CAPN15: variants seen among roughly 807,000 people sequenced by gnomAD.
The protein encoded by CAPN15 is calpain-15.
Under a neutral mutation model 97.9 loss-of-function variants are expected in CAPN15, and 53 were observed. The observed-to-expected ratio is 0.54, with a 90% CI of 0.43 to 0.68. The LOEUF (loss-of-function observed/expected upper bound fraction) is 0.68. CAPN15 is among the 30% of genes least tolerant of loss of function. CAPN15 has a pLI of 0.00. For synonymous variants in CAPN15, 922 were observed against 722.5 expected (o/e 1.28, Z -4.43); for missense variants, 1,592 against 1,589.8 (o/e 1.00, Z -0.02).
intron 6 of CAPN15, 60 bp from the exon 7 acceptor site, chr16:549,555 C>A: frequency 6.7e-7 from 1 of 1,497,646 alleles, no homozygotes; most frequent in Non-Finnish European, 8.9e-7. Context: ...GCTTCCTCTT[C>A]TCCCAGGGCG....
chr16:536,688 T>C (rs2141976826), intron 3 of CAPN15, among the ~76,000 whole-genome samples: 1 of 152,286 alleles, frequency 6.6e-6, no homozygotes, highest in South Asian at 2.1e-4. Context: ...CCTCCCACAG[T>C]GCTGGGATTA....
At chr16:530,817 T>C (rs953446641) in intron 1 of CAPN15, among the ~76,000 whole-genome samples, 7 of 152,166 alleles carry the variant, frequency 4.6e-5, no homozygotes, top group Non-Finnish European at 7.4e-5. Flanking sequence ...GGCTGTTGCT[T>C]TGCACACTCT....
In CAPN15 at chr16:535,021, T is replaced by C. The variant is rs61512373; in HGVS notation, c.-136-1008T>C. Among the ~76,000 whole-genome samples, 12,908 of 152,054 alleles carry C rather than the reference T, an allele frequency of 0.085. 583 individuals are homozygous for C. The highest frequency in any genetic ancestry group is 0.13 in the Middle Eastern group (38 of 294). ...AGTTAGCGAGACAGTGAGGAGTGTA[T>C]GCGGAGTGGACACAGCTGTGGGTGC... is the stretch of plus-strand genomic sequence containing the variant. On this transcript the variant is annotated intron_variant, in intron 2 of 13. Transcript: ENST00000219611. This position sits in a 1 kb window ranked among gnomAD's most constrained non-coding sequence, Gnocchi z 6.2.
chr16:532,991 C>A (rs531849046), intron 1 of CAPN15, among the ~76,000 whole-genome samples: 1 of 152,082 alleles, frequency 6.6e-6, no homozygotes, highest in Non-Finnish European at 1.5e-5. Context: ...GAGGCCGAGG[C>A]GGGTGGATCA....
Position 552,267 on chromosome 16 carries a change from C to T in CAPN15, c.2508-34C>T, listed in dbSNP as rs2035143264. ...GCTGGGCTAGGCTGGCGGCCGTGAC[C>T]ACGCGTGACCCTGGCCCGTGGTGTC... On this transcript the variant is annotated intron_variant, in intron 10 of 13. Transcript: ENST00000219611. The surrounding 1 kb of genome is among the most constrained non-coding windows in gnomAD (Gnocchi z 6.4). 3 of 1,535,958 alleles carry T rather than the reference C, an allele frequency of 2.0e-6. No individual in the cohort carries two copies. Among genetic ancestry groups the T allele is most frequent in the East Asian group, 2.5e-5 (1 of 40,758 alleles).
At chr16:542,141 G>A (rs532587572) in intron 3 of CAPN15, among the ~76,000 whole-genome samples, 30 of 152,366 alleles carry the variant, frequency 2.0e-4, no homozygotes, top group African/African-American at 7.0e-4. Context: ...CCTGCAGCCC[G>A]AGGCAGTTTC....
At chr16:532,615 T>C in intron 1 of CAPN15, among the ~76,000 whole-genome samples, 1 of 142,788 alleles carries the variant, frequency 7.0e-6, no homozygotes, top group South Asian at 2.2e-4. Flanking sequence ...CTTTGGGAGG[T>C]CAAGGCGGGT....
chr16:534,075 T>C (rs2033471509), intron 2 of CAPN15, 77 bp downstream of exon 2: 2 of 716,494 alleles, frequency 2.8e-6, no homozygotes, highest in Non-Finnish European at 3.3e-6. Flanking sequence ...GCAGCAGGGT[T>C]GGAGTGCCCA....
rs1318388431 is a variant in CAPN15, at chr16:547,473, AC to A, written c.641del (p.Pro214GlnfsTer73). On this transcript the variant is annotated frameshift_variant, in exon 4 of 14. Transcript: ENST00000219611. LOFTEE classifies it high-confidence loss of function. ...PGLPGEGAEANPPATSQGPAA... is the reference protein window; with the variant it reads ...PGLPGEGAEAXPPATSQGPAA... Reference sequence around the variant, plus strand: ...CTCCCCGGGGAAGGTGCCGAGGCCAACCCCCCAGCCACCAGCCAGGGCCCAG... The same window carrying A: ...CTCCCCGGGGAAGGTGCCGAGGCCAACCCCCAGCCACCAGCCAGGGCCCAG... The A allele has an allele frequency of 6.3e-7, 1 of 1,595,138 alleles. No individual in the cohort carries two copies. The highest frequency in any genetic ancestry group is 1.1e-5 in the South Asian group (1 of 90,562).
chr16:529,342 G>T (rs1382769483), intron 1 of CAPN15, among the ~76,000 whole-genome samples: 1 of 152,102 alleles, frequency 6.6e-6, no homozygotes, highest in Non-Finnish European at 1.5e-5. Context: ...CTGTGTGACA[G>T]CCTCAAGCCC....
intron 3 of CAPN15, chr16:539,986 G>T: frequency 2.6e-6 from 2 of 776,522 alleles, no homozygotes; most frequent in Non-Finnish European, 3.1e-6. Context: ...ACCCCAGGCG[G>T]CTGGGCATGC....
intron 5 of CAPN15, 41 bp downstream of exon 5, chr16:549,242 G>GGGGGGGGGGGGGGGGGGGGGGGGGC: frequency 3.3e-6 from 1 of 298,894 alleles, no homozygotes; most frequent in Non-Finnish European, 6.4e-6. Context: ...GGGTGGGCGG[G>GGGGGGGGGGGGGGGGGGGGGGGGGC]CGACCGGCCG....
intron 1 of CAPN15, chr16:528,680 G>A (rs192342556): frequency 2.0e-6 from 2 of 983,540 alleles, no homozygotes; most frequent in Admixed American, 1.2e-4. Flanking sequence ...GCGAGCTCTC[G>A]GGGCCCCCTT....
chr16:536,257 AC>A (rs2033712961), intron 3 of CAPN15, 115 bp downstream of exon 3: 1 of 191,036 alleles, frequency 5.2e-6, no homozygotes, highest in Admixed American at 6.5e-5. Flanking sequence ...GCCAGCACCC[AC>A]GGCCGAGATG....
intron 3 of CAPN15, among the ~76,000 whole-genome samples, chr16:541,584 T>G (rs1366568985): frequency 6.6e-6 from 1 of 152,212 alleles, no homozygotes; most frequent in African/African-American, 2.4e-5. Context: ...CATCTCCACG[T>G]GTGCCGACAA....
chr16:552,714 G>A lies in CAPN15; in HGVS notation c.2847G>A (p.Pro949=), dbSNP rs768639968. The A allele has an allele frequency of 1.6e-4, 241 of 1,544,346 alleles. No homozygotes were observed. Among genetic ancestry groups the A allele is most frequent in the Admixed American group, 5.3e-4 (27 of 50,942 alleles). The stretch of plus-strand genomic sequence containing the variant: ...TGGTGGAGCCCGTGGAAGCCCAGCC[G>A]ACCACGCTGGCCGACGCCATCATCC... ...LVMVEPVEAQ[P]TTLADAIILL... Residue 949 remains proline, a synonymous_variant, in exon 12 of 14, where the codon CCG becomes CCA. Coordinates refer to ENST00000219611, the MANE Select transcript of CAPN15 (RefSeq NM_005632.3). This position sits in a 1 kb window ranked among gnomAD's most constrained non-coding sequence, Gnocchi z 6.4.
At chr16:550,826 TGC>T (rs2034973616) in intron 7 of CAPN15, among the ~76,000 whole-genome samples, 1 of 21,078 alleles carries the variant, frequency 4.7e-5, no homozygotes, top group Non-Finnish European at 8.1e-5. Context: ...TCGGTGAGGG[TGC>T]CCCGTCGGTG....
Position 547,421 on chromosome 16 carries a change from G to A in CAPN15, c.583G>A (p.Val195Ile), listed in dbSNP as rs543476764. The change falls in exon 4 of 14, where the codon GTC (valine) becomes ATC (isoleucine). Residue 195 changes from valine to isoleucine, a missense_variant. Val to Ile is a conservative substitution (Grantham distance 29). Around this residue, in one of 3 missense-constraint regions of CAPN15, gnomAD observed 883 missense variants for 776.6 expected, o/e 1.14. Transcript: ENST00000219611. ...PEVVAPAGFH[V>I]VPAAPPPGLP... ...AGTGGTGGCCCCGGCCGGCTTCCAC[G>A]TCGTGCCTGCCGCGCCTCCACCTGG... is the stretch of plus-strand genomic sequence containing the variant. The A allele has an allele frequency of 4.3e-5, 68 of 1,575,888 alleles. No individual in the cohort carries two copies. The highest frequency in any genetic ancestry group is 1.7e-4 in the African/African-American group (13 of 74,304).
chr16:531,695 G>A (rs1482550427), intron 1 of CAPN15, among the ~76,000 whole-genome samples: 4 of 145,646 alleles, frequency 2.7e-5, no homozygotes, highest in Non-Finnish European at 5.9e-5. Flanking sequence ...TGCCCCCAGG[G>A]CCACACGGCT....
Sources: allele counts gnomAD v4.1 joint callset (sites outside exome capture counted in the v4.1 genomes callset), GRCh38; gene constraint gnomAD v4.1.1; regional missense constraint gnomAD v4.1.1; non-coding constraint Gnocchi (gnomAD v3.1); transcripts MANE v1.5; gene names NCBI Gene and HGNC (gene_info 2026-07-23, HGNC 2026-07-21).